Variants in ARRB2 observed in about 807,000 individuals in gnomAD.
ARRB2 encodes the protein arrestin beta 2, also known as beta-arrestin-2.
Under a neutral mutation model 53.4 loss-of-function variants are expected in ARRB2, and 21 were observed. That is an observed-to-expected ratio of 0.39 (90% CI 0.28 to 0.57). ARRB2 has a LOEUF of 0.57. ARRB2 is among the 20% of genes least tolerant of loss of function. The pLI, the probability that ARRB2 is intolerant of heterozygous loss-of-function variation, is 0.55. For synonymous variants in ARRB2, 180 were observed against 212.9 expected, an observed-to-expected ratio of 0.85 and a Z score of 1.34; for missense variants, 369 against 527.5, an observed-to-expected ratio of 0.70 and a Z score of 2.94.
At chr17:4,719,528 G>C in intron 11 of ARRB2, 108 bp downstream of exon 11, 1 of 1,467,204 alleles carries the variant, frequency 6.8e-7, no homozygotes, top group Non-Finnish European at 9.2e-7. Context: ...GAGACAAAAA[G>C]AACTCTTACA....
At chr17:4,715,726 A>AAC (rs1914961647) in intron 2 of ARRB2, 2 of 251,844 alleles carry the variant, frequency 7.9e-6, no homozygotes, top group African/African-American at 5.3e-5. Flanking sequence ...CACACACACA[A>AAC]ACACACACAC....
At chr17:4,720,510 G>A in intron 13 of ARRB2, 38 bp downstream of exon 13, 1 of 1,594,760 alleles carries the variant, frequency 6.3e-7, no homozygotes, top group Non-Finnish European at 8.6e-7. Flanking sequence ...CAGAGGGAGG[G>A]CCTGAAGCAG....
chr17:4,712,975 A>G (rs534836672), intron 1 of ARRB2, among the ~76,000 whole-genome samples: 137 of 152,154 alleles, frequency 9.0e-4, no homozygotes, highest in African/African-American at 3.2e-3. Context: ...GTTTTATTTA[A>G]TTTAATTAAT....
At chr17:4,715,470 A>AACACACACACACACAGAC (rs1555559438) in intron 2 of ARRB2, 60 of 203,618 alleles carry the variant, frequency 2.9e-4, no homozygotes, top group Admixed American at 5.2e-4. Flanking sequence ...CGAGGATCCA[A>AACACACACACACACAGAC]ACACACACAC....
rs983939207 is a variant in ARRB2, at chr17:4,716,865, C to T, written c.357+257C>T. 3.5e-5 allele frequency: 24 copies of T among 686,246 alleles called. No individual in the cohort carries two copies. The East Asian group carries it at 5.0e-4, about 14-fold the overall frequency. 42.5% of individuals were successfully genotyped at this position (686,246 alleles called of 1,614,324 possible). A position where few individuals can be genotyped will look rare whatever the true frequency, so the allele number is the denominator to read the frequency against. On this transcript the variant is annotated intron_variant, in intron 5 of 14. Coordinates refer to ENST00000269260, the MANE Select transcript of ARRB2 (RefSeq NM_004313.4). Reference sequence around the variant, plus strand: ...TTTTGTTGTTGTTGAGACAAAGTCTCGCTCTGTCGCCCAGGCTGGAGTGCA... The same window carrying T: ...TTTTGTTGTTGTTGAGACAAAGTCTTGCTCTGTCGCCCAGGCTGGAGTGCA...
chr17:4,715,208 C>T (rs1471221338), intron 2 of ARRB2, 165 bp downstream of exon 2: 5 of 816,328 alleles, frequency 6.1e-6, no homozygotes, highest in Admixed American at 6.0e-5. Context: ...AGCCCCTTGC[C>T]GCAGAGGCTG....
chr17:4,715,694 GACACACACACAC>G (rs150787978), intron 2 of ARRB2: 58 of 443,410 alleles, frequency 1.3e-4, no homozygotes, highest in African/African-American at 4.3e-4. Context: ...GTTGGCTGAG[GACACACACACAC>G]ACACACACAC....
At chr17:4,713,805 A>AT (rs1402543568) in intron 1 of ARRB2, among the ~76,000 whole-genome samples, 3 of 150,496 alleles carry the variant, frequency 2.0e-5, no homozygotes, top group Non-Finnish European at 4.4e-5. Flanking sequence ...AAAAAAAAAA[A>AT]ATACAAAACA....
At chr17:4,711,145 C>T (rs941068836) in intron 1 of ARRB2, among the ~76,000 whole-genome samples, 1 of 152,058 alleles carries the variant, frequency 6.6e-6, no homozygotes, top group Non-Finnish European at 1.5e-5. Flanking sequence ...CAATGGAAAG[C>T]CTCCTATCCA....
chr17:4,715,052 C>A lies in ARRB2; in HGVS notation c.54+9C>A, dbSNP rs775116918. 1.2e-5 allele frequency: 20 copies of A among 1,605,656 alleles called. No homozygotes were observed. In the East Asian group the frequency reaches 4.2e-4, roughly 34 times the overall value. On this transcript the variant is annotated intron_variant, in intron 2 of 14. Transcript: ENST00000269260. ...CGAGCCCTAACTGCAAGGTGAGTCT[C>A]CACAGCACTTACCCTTTTGACCCTC...
chr17:4,719,200 G>A, intron 10 of ARRB2, 83 bp from the exon 11 acceptor site: 4 of 1,507,186 alleles, frequency 2.7e-6, no homozygotes, highest in Non-Finnish European at 3.6e-6. Context: ...CTAGTGAGGG[G>A]GAGATGCTGC....
At chr17:4,715,672 C>T (rs1914927683) in intron 2 of ARRB2, 1 of 449,122 alleles carries the variant, frequency 2.2e-6, no homozygotes, top group South Asian at 2.3e-5. Flanking sequence ...TGTTCACACA[C>T]ACACCTGACT....
intron 5 of ARRB2, chr17:4,716,949 C>T (rs1915133734): frequency 1.2e-5 from 7 of 588,202 alleles, no homozygotes; most frequent in Admixed American, 9.0e-5. Context: ...ATTCTTATGC[C>T]TCAGCCTCCC....
At chr17:4,714,779 C>T (rs972929172) in intron 1 of ARRB2, 1 of 253,054 alleles carries the variant, frequency 4.0e-6, no homozygotes, top group Non-Finnish European at 6.9e-6. Flanking sequence ...CTTGCCACCA[C>T]GTTAGAAATA....
At chr17:4,711,007 T>C (rs1914339218) in intron 1 of ARRB2, among the ~76,000 whole-genome samples, 1 of 151,664 alleles carries the variant, frequency 6.6e-6, no homozygotes. Flanking sequence ...GCCAGACTAC[T>C]GGGCTCTCCC....
rs775148853 is a variant in ARRB2 at position 4,717,873 on chromosome 17, C to G, written c.486-15C>G. The G allele has an allele frequency of 1.2e-6, 2 of 1,613,988 alleles. No homozygotes were observed. Among genetic ancestry groups the G allele is most frequent in the Non-Finnish European group, 1.7e-6 (2 of 1,180,028 alleles). On this transcript the variant is annotated splice_polypyrimidine_tract_variant and intron_variant, in intron 7 of 14. Transcript: ENST00000269260. This position sits in a 1 kb window ranked among gnomAD's most constrained non-coding sequence, Gnocchi z 6.0. ...GTGTGAGGAATGACCCCTCCTGCCC[C>G]TACTCTGATCCCAGGAACTCTGTGC...
At position 4,717,627 on chromosome 17, in the gene ARRB2, G is replaced by A. The variant is rs191254209; in HGVS notation, c.418-58G>A. Reference sequence around the variant, plus strand: ...AGAGGAGGGAAGGGGGAGGAAGAAAGGGCAGTGATGGTGGCGGGAGCCTCC... The same window carrying A: ...AGAGGAGGGAAGGGGGAGGAAGAAAAGGCAGTGATGGTGGCGGGAGCCTCC... On this transcript the variant is annotated intron_variant, in intron 6 of 14. Coordinates refer to ENST00000269260, the MANE Select transcript of ARRB2 (RefSeq NM_004313.4). The surrounding 1 kb of genome is among the most constrained non-coding windows in gnomAD (Gnocchi z 6.0). 2.3e-4 allele frequency: 363 copies of A among 1,606,668 alleles called. 1 individual carries two copies. In the African/African-American group the frequency reaches 3.9e-3, roughly 17 times the overall value.
Position 4,717,565 on chromosome 17 carries a change from G to T in ARRB2, c.418-120G>T. On this transcript the variant is annotated intron_variant, in intron 6 of 14. Coordinates refer to ENST00000269260, the MANE Select transcript of ARRB2 (RefSeq NM_004313.4). This position sits in a 1 kb window ranked among gnomAD's most constrained non-coding sequence, Gnocchi z 6.0. The stretch of plus-strand genomic sequence containing the variant: ...GAGAGGAAGAAGACTTAGTCCCCAG[G>T]GTCGTGAGACCACAATGAGGCAAGA... 1 of 1,330,384 alleles carries T rather than the reference G, an allele frequency of 7.5e-7. No individual in the cohort carries two copies. Among genetic ancestry groups the T allele is most frequent in the Admixed American group, 1.7e-5 (1 of 57,194 alleles). 82.4% of individuals were successfully genotyped at this position (1,330,384 alleles called of 1,614,324 possible).
rs1040582173 is a variant in ARRB2 at position 4,717,403 on chromosome 17, C to T, written c.417+127C>T. On this transcript the variant is annotated intron_variant, in intron 6 of 14. Coordinates refer to ENST00000269260, the MANE Select transcript of ARRB2 (RefSeq NM_004313.4). This position sits in a 1 kb window ranked among gnomAD's most constrained non-coding sequence, Gnocchi z 6.0. ...TGGGGCCGAGGGTAGGCCAGTGTCC[C>T]CCGTGGAAGTGGGGCGTATGTGGTG... The T allele has an allele frequency of 7.3e-5, 90 of 1,230,146 alleles. No individual in the cohort carries two copies. The highest frequency in any genetic ancestry group is 4.9e-4 in the Admixed American group (28 of 57,024). The allele number at this position is 1,230,146 out of a possible 1,614,324, so 76.2% of individuals were successfully genotyped here.
Sources: allele counts gnomAD v4.1 joint callset (sites outside exome capture counted in the v4.1 genomes callset), GRCh38; gene constraint gnomAD v4.1.1; non-coding constraint Gnocchi (gnomAD v3.1); transcripts MANE v1.5; gene names NCBI Gene and HGNC (gene_info 2026-07-23, HGNC 2026-07-21).